Variants in SIM1 observed in about 807,000 individuals in gnomAD.
SIM1 encodes SIM bHLH transcription factor 1.
A neutral mutation model predicts 78.2 loss-of-function variants in SIM1; 18 were observed. The ratio of observed to expected loss-of-function variants is 0.23; its 90% confidence interval spans 0.16 to 0.34. The LOEUF (loss-of-function observed/expected upper bound fraction) is 0.34. Among genes scored for constraint, SIM1 ranks in the 10% least tolerant of loss-of-function variants. SIM1 has a pLI of 1.00. For synonymous variants in SIM1, 417 were observed against 385.2 expected (o/e 1.08, Z -0.97); for missense variants, 939 against 975.1 (o/e 0.96, Z 0.49).
intron 2 of SIM1, among the ~76,000 whole-genome samples, chr6:100,458,215 G>T (rs576179918): frequency 3.5e-4 from 53 of 152,138 alleles, no homozygotes; most frequent in Non-Finnish European, 7.3e-4. Context: ...TAAAACTGGG[G>T]GCGAAATTCA....
intron 9 of SIM1, among the ~76,000 whole-genome samples, chr6:100,433,610 T>C (rs905324934): frequency 2.6e-5 from 4 of 152,102 alleles, no homozygotes; most frequent in East Asian, 1.9e-4. Flanking sequence ...GGCACATGCA[T>C]GCCATCCCAG....
chr6:100,434,186 T>C (rs1238241679), intron 9 of SIM1, among the ~76,000 whole-genome samples: 1 of 152,182 alleles, frequency 6.6e-6, no homozygotes, highest in African/African-American at 2.4e-5. Context: ...CTGCTCTAAT[T>C]GGAGGAATGA....
chr6:100,458,268 T>C (rs1350641448), intron 2 of SIM1, among the ~76,000 whole-genome samples: 2 of 152,156 alleles, frequency 1.3e-5, no homozygotes, highest in Non-Finnish European at 2.9e-5. Flanking sequence ...CCGAAAAACG[T>C]CAATCGATGT....
intron 2 of SIM1, among the ~76,000 whole-genome samples, chr6:100,454,136 C>A (rs1023928708): frequency 6.6e-6 from 1 of 152,214 alleles, no homozygotes; most frequent in Non-Finnish European, 1.5e-5. Context: ...CAACATTGCA[C>A]CCCACCGATA....
rs1471412369 is a variant in SIM1 at position 100,386,494 on chromosome 6, G to T, written c.*3867C>A. 6.6e-6 allele frequency: 1 copy of T among 151,904 alleles called. No homozygotes were observed. Among genetic ancestry groups the T allele is most frequent in the Non-Finnish European group, 1.5e-5 (1 of 67,902 alleles). 9.4% of individuals were successfully genotyped at this position (151,904 alleles called of 1,614,324 possible). A position where few individuals can be genotyped will look rare whatever the true frequency, so the allele number is the denominator to read the frequency against. On this transcript the variant is annotated 3_prime_UTR_variant, in exon 12 of 12. Transcript: ENST00000369208. ...AAACTTACTTGGTTTAGATCTTGAG[G>T]GCGGAAATCTTGTATTTCATTTTAA...
chr6:100,426,896 G>A (rs2114512419), intron 9 of SIM1, among the ~76,000 whole-genome samples: 1 of 152,306 alleles, frequency 6.6e-6, no homozygotes, highest in African/African-American at 2.4e-5. Flanking sequence ...TCCCGATTGA[G>A]CTATTTTTTT....
rs78549200 is a variant in SIM1, at chr6:100,443,081, A to G, written c.998+4187T>C. Among the ~76,000 whole-genome samples, 176 of 152,088 alleles carry G rather than the reference A, an allele frequency of 1.2e-3. 2 individuals are homozygous for G. The East Asian group carries it at 0.03, about 26-fold the overall frequency. On this transcript the variant is annotated intron_variant, in intron 9 of 11. Coordinates refer to ENST00000369208, the MANE Select transcript of SIM1 (RefSeq NM_005068.3). Reference sequence around the variant, plus strand: ...AGAGCCCCCTTTTTTTTTCATTGACATGAAGGAAGTACTGTATGTCACCTT... The same window carrying G: ...AGAGCCCCCTTTTTTTTTCATTGACGTGAAGGAAGTACTGTATGTCACCTT...
At chr6:100,419,071 C>T (rs1055662330) in intron 10 of SIM1, among the ~76,000 whole-genome samples, 1 of 151,980 alleles carries the variant, frequency 6.6e-6, no homozygotes, top group Non-Finnish European at 1.5e-5. Context: ...GAAGCTAAGG[C>T]AGGAGAATTG....
At chr6:100,450,665 GTCTCTCTCTCTC>G (rs374252955) in intron 3 of SIM1, among the ~76,000 whole-genome samples, 5 of 117,306 alleles carry the variant, frequency 4.3e-5, no homozygotes, top group African/African-American at 1.7e-4. Context: ...CACACACACT[GTCTCTCTCTCTC>G]TCTCTCTCTC....
At chr6:100,394,239 A>G (rs2114464506) in intron 10 of SIM1, among the ~76,000 whole-genome samples, 1 of 152,298 alleles carries the variant, frequency 6.6e-6, no homozygotes, top group East Asian at 1.9e-4. Flanking sequence ...TAGTATCCCC[A>G]GTTTAGGGAT....
At chr6:100,448,726 C>T (rs200461311) in intron 6 of SIM1, 48 bp from the exon 7 acceptor site, 1 of 1,548,108 alleles carries the variant, frequency 6.5e-7, no homozygotes, top group Non-Finnish European at 8.8e-7. Flanking sequence ...GTAGGAAGAG[C>T]CCCCAAAAGG....
intron 10 of SIM1, among the ~76,000 whole-genome samples, chr6:100,414,241 A>G (rs1006384945): frequency 6.6e-6 from 1 of 152,230 alleles, no homozygotes; most frequent in Non-Finnish European, 1.5e-5. Flanking sequence ...ATAAAAGGGC[A>G]GAAATTGTGG....
At chr6:100,402,109 A>G (rs966850117) in intron 10 of SIM1, among the ~76,000 whole-genome samples, 5 of 152,242 alleles carry the variant, frequency 3.3e-5, no homozygotes, top group Non-Finnish European at 1.5e-5. Flanking sequence ...GCACTAAAAA[A>G]TACAAATGGT....
Position 100,412,608 on chromosome 6 carries a change from A to AAAGGAAAGAAAG in SIM1, c.1167+8170_1167+8181dup, listed in dbSNP as rs1260301685. Reference sequence around the variant, plus strand: ...GAAAGAAAGAAAGAAAGAAAGAAAGAAAGGAAAGAAAGAAGGAAAGAAAGA... The same window carrying AAAGGAAAGAAAG: ...GAAAGAAAGAAAGAAAGAAAGAAAGAAAGGAAAGAAAGAAGGAAAGAAAGAAGGAAAGAAAGA... On this transcript the variant is annotated intron_variant, in intron 10 of 11. Coordinates refer to ENST00000369208, the MANE Select transcript of SIM1 (RefSeq NM_005068.3). 2.9e-5 allele frequency among the ~76,000 whole-genome samples: 3 copies of AAAGGAAAGAAAG among 104,598 alleles called. No individual in the cohort carries two copies. In the South Asian group the frequency reaches 9.9e-4, roughly 34 times the overall value. 68.6% of individuals were successfully genotyped at this position (104,598 alleles called of 152,430 possible). A position where few individuals can be genotyped will look rare whatever the true frequency, so the allele number is the denominator to read the frequency against.
At chr6:100,398,651 C>A (rs570288073) in intron 10 of SIM1, among the ~76,000 whole-genome samples, 4 of 151,972 alleles carry the variant, frequency 2.6e-5, no homozygotes, top group African/African-American at 9.6e-5. Context: ...TTGTATATAC[C>A]ATGATTTGTT....
intron 9 of SIM1, among the ~76,000 whole-genome samples, chr6:100,433,727 CCCA>C (rs2114521412): frequency 2.2e-5 from 1 of 45,138 alleles, no homozygotes; most frequent in East Asian, 8.9e-4. Flanking sequence ...CAGATTAAGA[CCCA>C]CCCCCCCACC....
intron 10 of SIM1, among the ~76,000 whole-genome samples, chr6:100,412,535 T>TAAGA (rs1331252610): frequency 4.6e-5 from 4 of 86,384 alleles, no homozygotes; most frequent in Non-Finnish European, 8.8e-5. Context: ...AGACTCTGTC[T>TAAGA]AAGAAAGAAA....
chr6:100,446,429 C>G (rs1000880541), intron 9 of SIM1, among the ~76,000 whole-genome samples: 1 of 152,136 alleles, frequency 6.6e-6, no homozygotes, highest in Admixed American at 6.6e-5. Flanking sequence ...GTGGGGAGAG[C>G]GCAACAGCAC....
chr6:100,457,594 G>T (rs996614692), intron 2 of SIM1, among the ~76,000 whole-genome samples: 1 of 152,218 alleles, frequency 6.6e-6, no homozygotes, highest in African/African-American at 2.4e-5. Context: ...AGTGGCCTTC[G>T]TGTTCAGCCT....
Sources: gnomAD v4.1 joint callset for allele counts (sites outside exome capture counted in the v4.1 genomes callset) on GRCh38, gnomAD v4.1.1 for gene constraint, MANE v1.5 for transcripts, NCBI Gene and HGNC (gene_info 2026-07-23, HGNC 2026-07-21) for gene names.